PCNX3: variants seen among roughly 807,000 people sequenced by gnomAD.
The protein encoded by PCNX3 is pecanex-like protein 3.
A neutral mutation model predicts 207.2 loss-of-function variants in PCNX3; 58 were observed. That is an observed-to-expected ratio of 0.28 (90% CI 0.23 to 0.35). PCNX3 has a LOEUF of 0.35. Ranked by LOEUF, PCNX3 falls within the 10% of genes least tolerant of loss-of-function variation. The probability of loss-of-function intolerance (pLI) is 1.00; values close to 1 mark genes in which losing one functional copy is unlikely to be tolerated. For synonymous variants in PCNX3, 1,337 were observed against 1,183.5 expected (o/e 1.13, Z -2.66); for missense variants, 2,410 against 2,774.4 (o/e 0.87, Z 2.95).
intron 27 of PCNX3, 48 bp downstream of exon 27, chr11:65,630,652 G>T: frequency 1.3e-6 from 2 of 1,583,556 alleles, no homozygotes; most frequent in Non-Finnish European, 1.7e-6. Flanking sequence ...GCGGGTGAGC[G>T]CTCGCTGACC....
Position 65,635,849 on chromosome 11 carries a change from G to A in PCNX3, c.5459+46G>A. The A allele has an allele frequency of 6.4e-7, 1 of 1,559,606 alleles. No individual in the cohort carries two copies. The highest frequency in any genetic ancestry group is 8.7e-7 in the Non-Finnish European group (1 of 1,153,200). On this transcript the variant is annotated intron_variant, in intron 32 of 34. Coordinates refer to ENST00000355703, the MANE Select transcript of PCNX3 (RefSeq NM_032223.4). This position sits in a 1 kb window ranked among gnomAD's most constrained non-coding sequence, Gnocchi z 9.9. Reference sequence around the variant, plus strand: ...GACGTGTGGCGCGGGAGGAAGCTGAGGTGCAGTACGTCCCTCCTGGGTCTC... The same window carrying A: ...GACGTGTGGCGCGGGAGGAAGCTGAAGTGCAGTACGTCCCTCCTGGGTCTC...
At chr11:65,627,897 T>C (rs571246795) in intron 22 of PCNX3, among the ~76,000 whole-genome samples, 11 of 152,322 alleles carry the variant, frequency 7.2e-5, no homozygotes, top group African/African-American at 2.6e-4. Flanking sequence ...CCTTATCCTC[T>C]GGACGCAGAC....
At position 65,616,347 on chromosome 11, in the gene PCNX3, G is replaced by A. The variant is rs769184578; in HGVS notation, c.36G>A (p.Gly12=). ...GSQVLQILRQ[G]VWASLTGGWF... ...AGGTGTTGCAGATCCTGCGCCAGGG[G>A]GTGTGGGCCTCGCTCACCGGCGGTT... Residue 12 remains glycine (G), a synonymous_variant, in exon 1 of 35, where the codon GGG becomes GGA. Transcript: ENST00000355703. 1.9e-6 allele frequency: 3 copies of A among 1,606,912 alleles called. No homozygotes were observed. Among genetic ancestry groups the A allele is most frequent in the South Asian group, 2.2e-5 (2 of 90,568 alleles).
intron 28 of PCNX3, 60 bp from the exon 29 acceptor site, chr11:65,634,478 C>G: frequency 6.5e-7 from 1 of 1,528,414 alleles, no homozygotes; most frequent in Non-Finnish European, 8.8e-7. Context: ...CCAGCCCCCA[C>G]TCCAAGGTCC....
At chr11:65,628,498 A>G in intron 22 of PCNX3, 97 bp from the exon 23 acceptor site, 2 of 1,198,992 alleles carry the variant, frequency 1.7e-6, no homozygotes, top group Admixed American at 1.9e-5. Context: ...GGGCCAAGCC[A>G]GTGCGATGAC....
intron 27 of PCNX3, 82 bp from the exon 28 acceptor site, chr11:65,634,044 G>T: frequency 7.8e-7 from 1 of 1,284,006 alleles, no homozygotes; most frequent in African/African-American, 1.5e-5. Context: ...CAGTCTTGGG[G>T]AGGAGCCTCT....
chr11:65,619,545 G>C lies in PCNX3; in HGVS notation c.1714G>C (p.Glu572Gln). ...EEGAVGGAAE[E>Q]TGRRDRSSSV... ...GGCCTCTCTCTGGGCAGCGGCCGAG[G>C]AGACTGGCAGGCGGGACCGCTCAAG... The change falls in exon 7 of 35, where the codon GAG (glutamate) becomes CAG (glutamine). Residue 572 changes from glutamate (E) to glutamine (Q), a missense_variant. Around this residue, in one of 8 missense-constraint regions of PCNX3, gnomAD observed 1,104 missense variants for 970.3 expected, o/e 1.14. Coordinates refer to ENST00000355703, the MANE Select transcript of PCNX3 (RefSeq NM_032223.4). The C allele has an allele frequency of 1.2e-6, 2 of 1,611,688 alleles. No homozygotes were observed. The highest frequency in any genetic ancestry group is 1.7e-6 in the Non-Finnish European group (2 of 1,179,700).
chr11:65,624,634 G>T, intron 15 of PCNX3, 53 bp downstream of exon 15: 1 of 1,476,506 alleles, frequency 6.8e-7, no homozygotes, highest in Non-Finnish European at 9.3e-7. Context: ...GGCCCAGGAG[G>T]GCCCTCGGAT....
rs376857885 is a variant in PCNX3, at chr11:65,629,699, C to G, written c.4180C>G (p.Leu1394Val). ...LVHLIEVGNG[L>V]VTFQLRGLEF... ...GCACCTCATCGAGGTTGGCAATGGCCTCGTCACCTTCCAGCTGCGTGGCCT... is the reference window on the plus strand; with the variant it reads ...GCACCTCATCGAGGTTGGCAATGGCGTCGTCACCTTCCAGCTGCGTGGCCT... The change falls in exon 26 of 35, where the codon CTC (leucine) becomes GTC (valine). Residue 1394 changes from leucine (L) to valine (V), a missense_variant. Transcript: ENST00000355703. 1 of 1,556,370 alleles carries G rather than the reference C, an allele frequency of 6.4e-7. No individual in the cohort carries two copies. Among genetic ancestry groups the G allele is most frequent in the Admixed American group, 1.9e-5 (1 of 51,364 alleles).
chr11:65,620,985 A>G lies in PCNX3; in HGVS notation c.2235+19A>G, dbSNP rs747011151. 2.6e-6 allele frequency: 4 copies of G among 1,521,608 alleles called. No individual in the cohort carries two copies. In the African/African-American group the frequency reaches 5.5e-5, roughly 21 times the overall value. 94.3% of individuals were successfully genotyped at this position (1,521,608 alleles called of 1,614,324 possible). A position where few individuals can be genotyped will look rare whatever the true frequency, so the allele number is the denominator to read the frequency against. On this transcript the variant is annotated intron_variant, in intron 10 of 34. Coordinates refer to ENST00000355703, the MANE Select transcript of PCNX3 (RefSeq NM_032223.4). ...CCCGGAGGTGAGGAGCAGCCGGGGA[A>G]GGGCCGTGCCAGTGGGGCGTGACGG... is the stretch of plus-strand genomic sequence containing the variant.
chr11:65,627,645 T>C, intron 22 of PCNX3, 63 bp downstream of exon 22: 1 of 1,564,538 alleles, frequency 6.4e-7, no homozygotes, highest in Non-Finnish European at 8.8e-7. Context: ...AACTTCTGCC[T>C]GGGTGGGAAG....
At chr11:65,619,479 C>A (rs1432149487) in intron 6 of PCNX3, 58 bp from the exon 7 acceptor site, 1 of 1,585,126 alleles carries the variant, frequency 6.3e-7, no homozygotes, top group African/African-American at 1.3e-5. Context: ...CCCAACCTTA[C>A]TCCCCCAGCC....
chr11:65,636,556 G>T lies in PCNX3; in HGVS notation c.5759G>T (p.Arg1920Leu), dbSNP rs376689715. ...PIPTEGPRTS[R>L]PPGPGLLSSE... is the part of the protein sequence containing the mutation. The stretch of plus-strand genomic sequence containing the variant: ...CCCACAGAGGGTCCCCGGACCTCAC[G>T]GCCCCCTGGCCCGGGTCTCCTCAGT... Residue 1920 changes from arginine (R) to leucine (L), a missense_variant, in exon 34 of 35, where the codon CGG (arginine) becomes CTG (leucine). By Grantham distance (102) the Arg-to-Leu change is moderately radical. Coordinates refer to ENST00000355703, the MANE Select transcript of PCNX3 (RefSeq NM_032223.4). The T allele has an allele frequency of 2.5e-6, 4 of 1,592,834 alleles. No individual in the cohort carries two copies. The East Asian group carries it at 9.0e-5, about 36-fold the overall frequency.
At chr11:65,623,429 C>T in intron 11 of PCNX3, 62 bp from the exon 12 acceptor site, 2 of 1,506,348 alleles carry the variant, frequency 1.3e-6, no homozygotes, top group East Asian at 2.3e-5. Flanking sequence ...GATCCATCTT[C>T]CCCACTGCCC....
chr11:65,617,903 C>T (rs1321927875), intron 5 of PCNX3, 37 bp from the exon 6 acceptor site: 16 of 1,540,028 alleles, frequency 1.0e-5, no homozygotes, highest in South Asian at 7.4e-5. Context: ...TTGCAGAAAA[C>T]CCTTTTTTCA....
chr11:65,632,728 G>A (rs944931659), intron 27 of PCNX3, among the ~76,000 whole-genome samples: 2 of 148,934 alleles, frequency 1.3e-5, no homozygotes, highest in South Asian at 2.3e-4. Context: ...CTCCTCTCCC[G>A]GTCCCTGAAG....
Position 65,618,843 on chromosome 11 carries a change from C to T in PCNX3, c.1481C>T (p.Thr494Ile), listed in dbSNP as rs893253614. The change falls in exon 6 of 35, where the codon ACC becomes ATC. Residue 494 changes from threonine (T) to isoleucine (I), a missense_variant. Thr to Ile is a moderately conservative substitution (Grantham distance 89). Transcript: ENST00000355703. Reference sequence around the variant, plus strand: ...TATGGGACCCAGCGGACGCCTAGTACCGCCAGCGCTAAAACACATGCCCGT... The same window carrying T: ...TATGGGACCCAGCGGACGCCTAGTATCGCCAGCGCTAAAACACATGCCCGT... ...RPYGTQRTPS[T>I]ASAKTHARVL... 5.6e-6 allele frequency: 9 copies of T among 1,610,918 alleles called. No individual in the cohort carries two copies. Among genetic ancestry groups the T allele is most frequent in the Admixed American group, 1.7e-5 (1 of 59,754 alleles).
rs879371426 is a variant in PCNX3, at chr11:65,629,557, G to A, written c.4038G>A (p.Glu1346=). Residue 1346 remains glutamate (E), a synonymous_variant, in exon 26 of 35, where the codon GAG becomes GAA. Transcript: ENST00000355703. The part of the protein sequence containing the change: ...DDNNLNSIFY[E]HLTRSLQHTL... ...ACAACCTCAACTCCATCTTCTATGA[G>A]CACTTGACACGTTCGCTGCAGCACA... 1 of 1,613,582 alleles carries A rather than the reference G, an allele frequency of 6.2e-7. No individual in the cohort carries two copies. The highest frequency in any genetic ancestry group is 8.5e-7 in the Non-Finnish European group (1 of 1,179,842).
At chr11:65,626,141 A>G in intron 20 of PCNX3, 87 bp downstream of exon 20, 2 of 1,520,172 alleles carry the variant, frequency 1.3e-6, no homozygotes, top group South Asian at 1.2e-5. Context: ...TCGGCTCAGG[A>G]GTGCCAGCAG....
Sources: gnomAD v4.1 joint callset for allele counts (sites outside exome capture counted in the v4.1 genomes callset) on GRCh38, gnomAD v4.1.1 for gene constraint, gnomAD v4.1.1 regional missense constraint, Gnocchi (gnomAD v3.1) non-coding constraint, MANE v1.5 for transcripts, NCBI Gene and HGNC (gene_info 2026-07-23, HGNC 2026-07-21) for gene names.